Variants in SPON1 observed in about 807,000 individuals in gnomAD.
SPON1 encodes spondin-1.
Under a neutral mutation model 111.7 loss-of-function variants are expected in SPON1, and 52 were observed. The observed-to-expected ratio is 0.47, with a 90% CI of 0.37 to 0.59. The LOEUF is 0.59. Among genes scored for constraint, SPON1 ranks in the 20% least tolerant of loss-of-function variants. SPON1 has a pLI of 0.00. For synonymous variants in SPON1, 410 were observed against 395.8 expected (o/e 1.04, Z -0.43); for missense variants, 957 against 1,068.5 (o/e 0.90, Z 1.46).
At chr11:14,129,843 G>A (rs1847506536) in intron 5 of SPON1, among the ~76,000 whole-genome samples, 1 of 152,188 alleles carries the variant, frequency 6.6e-6, no homozygotes, top group Non-Finnish European at 1.5e-5. Flanking sequence ...AGAAGGTGAA[G>A]GAGAAGCAGG....
intron 10 of SPON1, among the ~76,000 whole-genome samples, chr11:14,256,897 GAATA>G (rs1306184752): frequency 1.7e-4 from 26 of 152,272 alleles, no homozygotes; most frequent in African/African-American, 6.0e-4. Flanking sequence ...TATGACATCA[GAATA>G]TATACTCAAC....
At chr11:14,125,043 C>T (rs1160829341) in intron 5 of SPON1, among the ~76,000 whole-genome samples, 5 of 152,170 alleles carry the variant, frequency 3.3e-5, no homozygotes, top group African/African-American at 1.2e-4. Context: ...GGAGGCCATT[C>T]TGGGATGGGA....
intron 2 of SPON1, among the ~76,000 whole-genome samples, chr11:14,038,264 A>C (rs1848608815): frequency 6.6e-6 from 1 of 151,222 alleles, no homozygotes; most frequent in African/African-American, 2.4e-5. Context: ...TCAGGAGTTC[A>C]AAACCAGCCT....
In SPON1 at chr11:14,267,288, A is replaced by AAGAT. The variant is rs879975419; in HGVS notation, c.*1604_*1607dup. On this transcript the variant is annotated 3_prime_UTR_variant, in exon 16 of 16. Transcript: ENST00000576479. ...CCTCCACCTCCATCATTTTCAATAA[A>AAGAT]AGATAGGGCTTTTGCTCCCTTGTTC... The AAGAT allele has an allele frequency of 2.6e-5, 4 of 152,340 alleles. No individual in the cohort carries two copies. Among genetic ancestry groups the AAGAT allele is most frequent in the Admixed American group, 1.3e-4 (2 of 15,304 alleles). 9.4% of individuals were successfully genotyped at this position (152,340 alleles called of 1,614,324 possible).
At chr11:14,222,445 C>T (rs1371270055) in intron 6 of SPON1, among the ~76,000 whole-genome samples, 2 of 152,224 alleles carry the variant, frequency 1.3e-5, no homozygotes, top group African/African-American at 2.4e-5. Flanking sequence ...ATATTTAAAA[C>T]TATAGATTTC....
At chr11:14,179,722 A>G (rs1554933514) in intron 6 of SPON1, among the ~76,000 whole-genome samples, 1 of 152,080 alleles carries the variant, frequency 6.6e-6, no homozygotes, top group Non-Finnish European at 1.5e-5. Context: ...AAGCACCCAG[A>G]TTGATGCCTG....
chr11:14,168,116 G>A (rs1368014708), intron 6 of SPON1, among the ~76,000 whole-genome samples: 3 of 152,026 alleles, frequency 2.0e-5, no homozygotes, highest in Non-Finnish European at 2.9e-5. Flanking sequence ...ACTCCTTTTA[G>A]CATAGCTAGT....
intron 5 of SPON1, among the ~76,000 whole-genome samples, chr11:14,133,068 AC>A (rs1309389626): frequency 6.6e-6 from 1 of 152,134 alleles, no homozygotes; most frequent in Non-Finnish European, 1.5e-5. Flanking sequence ...TGGCTCTAAG[AC>A]CAATGCCTTT....
intron 2 of SPON1, among the ~76,000 whole-genome samples, chr11:14,033,687 A>T (rs1848574750): frequency 6.6e-6 from 1 of 152,240 alleles, no homozygotes. Flanking sequence ...TAGAAAAATC[A>T]TTCTATTAGC....
chr11:14,260,589 C>A lies in SPON1; in HGVS notation c.1833C>A (p.His611Gln). The change falls in exon 14 of 16, where the codon CAC becomes CAA. Residue 611 changes from histidine (H) to glutamine (Q), a missense_variant and splice_region_variant. This residue lies in a region of SPON1 where 549 missense variants were observed against 606.2 expected (regional missense o/e 0.91). Coordinates refer to ENST00000576479, the MANE Select transcript of SPON1 (RefSeq NM_006108.4). ...QAEKCMMPEC[H>Q]TIPCLLSPWS... The stretch of plus-strand genomic sequence containing the variant: ...TGGCAAACCTGGTTCTTGATCTAGA[C>A]ACCATCCCATGCTTGCTGTCCCCAT... 1.2e-6 allele frequency: 2 copies of A among 1,612,988 alleles called. No individual in the cohort carries two copies.
At chr11:14,227,608 C>T (rs1848754299) in intron 6 of SPON1, among the ~76,000 whole-genome samples, 1 of 152,196 alleles carries the variant, frequency 6.6e-6, no homozygotes, top group Non-Finnish European at 1.5e-5. Context: ...TGTTCGGCCT[C>T]TCCTAACTAC....
At chr11:14,053,592 G>A (rs578051249) in intron 3 of SPON1, among the ~76,000 whole-genome samples, 145 of 152,238 alleles carry the variant, frequency 9.5e-4, no homozygotes, top group Non-Finnish European at 1.5e-3. Context: ...AGAACTTTGG[G>A]CAACAGTGAA....
chr11:14,157,337 T>A (rs1847860149), intron 6 of SPON1, among the ~76,000 whole-genome samples: 1 of 152,210 alleles, frequency 6.6e-6, no homozygotes, highest in Non-Finnish European at 1.5e-5. Flanking sequence ...TTATTTTCAT[T>A]CAGTATTTTT....
chr11:14,011,810 G>T (rs1166546640), intron 2 of SPON1, among the ~76,000 whole-genome samples: 1 of 152,142 alleles, frequency 6.6e-6, no homozygotes, highest in African/African-American at 2.4e-5. Flanking sequence ...AGGCCTGGAG[G>T]TGAGAGGGAA....
intron 6 of SPON1, among the ~76,000 whole-genome samples, chr11:14,167,429 T>C (rs192917532): frequency 6.6e-6 from 1 of 152,202 alleles, no homozygotes; most frequent in East Asian, 1.9e-4. Flanking sequence ...ACTTAGCCAA[T>C]AAAGATAGCA....
At chr11:14,157,679 T>C (rs987293677) in intron 6 of SPON1, among the ~76,000 whole-genome samples, 1 of 152,138 alleles carries the variant, frequency 6.6e-6, no homozygotes, top group African/African-American at 2.4e-5. Flanking sequence ...TATGTTCAAC[T>C]TTATCATCAT....
At chr11:14,132,035 G>T (rs113945694) in intron 5 of SPON1, among the ~76,000 whole-genome samples, 3,099 of 152,250 alleles carry the variant, frequency 0.02, 114 homozygotes, top group African/African-American at 0.07. Context: ...TCCCAACACT[G>T]TGGGAGGCCA....
Position 14,129,616 on chromosome 11 carries a change from C to T in SPON1, c.677-5804C>T, listed in dbSNP as rs543024316. On this transcript the variant is annotated intron_variant, in intron 5 of 15. Transcript: ENST00000576479. ...GTCTTCTTGTGAGCCCTCCAAACTG[C>T]TCCAACCTCTGCCTGTTACCTGCTT... Among the ~76,000 whole-genome samples the T allele has an allele frequency of 2.6e-5, 4 of 152,290 alleles. No homozygotes were observed. The South Asian group carries it at 6.2e-4, about 24-fold the overall frequency.
At chr11:14,172,532 A>G (rs1255997700) in intron 6 of SPON1, among the ~76,000 whole-genome samples, 2 of 151,866 alleles carry the variant, frequency 1.3e-5, no homozygotes, top group South Asian at 4.2e-4. Context: ...TGATCCTGTC[A>G]TTATGATGTT....
Sources: allele counts gnomAD v4.1 joint callset (sites outside exome capture counted in the v4.1 genomes callset), GRCh38; gene constraint gnomAD v4.1.1; regional missense constraint gnomAD v4.1.1; transcripts MANE v1.5; gene names NCBI Gene and HGNC (gene_info 2026-07-23, HGNC 2026-07-21).